Variants in ERBB4 observed in about 807,000 individuals in gnomAD.
The protein encoded by ERBB4 is receptor tyrosine-protein kinase erbB-4.
In ERBB4, 42 loss-of-function variants were observed where a neutral mutation model predicts 158.0. That is an observed-to-expected ratio of 0.27 (90% CI 0.21 to 0.34). The LOEUF (loss-of-function observed/expected upper bound fraction) is 0.34, where lower values mean the gene tolerates loss of function less well. Ranked by LOEUF, ERBB4 falls within the 10% of genes least tolerant of loss-of-function variation. ERBB4 has a pLI of 1.00. For missense variants in ERBB4, 1,333 were observed against 1,624.1 expected, an observed-to-expected ratio of 0.82 and a Z score of 3.08; for synonymous variants, 583 against 558.7, an observed-to-expected ratio of 1.04 and a Z score of -0.61.
intron 3 of ERBB4, among the ~76,000 whole-genome samples, chr2:211,896,988 T>A (rs573543620): frequency 4.6e-4 from 70 of 151,614 alleles, no homozygotes; most frequent in African/African-American, 1.7e-3. Context: ...AATATTAAAT[T>A]AAAAATAATG....
At chr2:211,903,055 A>T (rs2079280454) in intron 3 of ERBB4, among the ~76,000 whole-genome samples, 1 of 151,948 alleles carries the variant, frequency 6.6e-6, no homozygotes, top group African/African-American at 2.4e-5. Flanking sequence ...TAGCTCTTCT[A>T]TTGCATTTTA....
chr2:211,678,046 T>C (rs943596665), intron 13 of ERBB4, among the ~76,000 whole-genome samples: 2 of 152,086 alleles, frequency 1.3e-5, no homozygotes, highest in African/African-American at 4.8e-5. Flanking sequence ...TATGAATATA[T>C]GAAATATTAT....
At chr2:212,329,637 A>C (rs953826259) in intron 1 of ERBB4, among the ~76,000 whole-genome samples, 1 of 152,096 alleles carries the variant, frequency 6.6e-6, no homozygotes, top group Non-Finnish European at 1.5e-5. Flanking sequence ...CATCAGGTGT[A>C]GGATATGTCT....
At chr2:211,857,019 T>C (rs1331002624) in intron 3 of ERBB4, among the ~76,000 whole-genome samples, 2 of 152,300 alleles carry the variant, frequency 1.3e-5, no homozygotes, top group East Asian at 1.9e-4. Flanking sequence ...TTGTATGTTA[T>C]AATATTTCAG....
chr2:212,410,843 C>T (rs937973377), intron 1 of ERBB4, among the ~76,000 whole-genome samples: 5 of 152,030 alleles, frequency 3.3e-5, no homozygotes, highest in African/African-American at 1.2e-4. Flanking sequence ...CAAACACACA[C>T]ATCTATTTTT....
At chr2:211,766,436 A>G (rs918952274) in intron 4 of ERBB4, among the ~76,000 whole-genome samples, 2 of 152,222 alleles carry the variant, frequency 1.3e-5, no homozygotes, top group Non-Finnish European at 2.9e-5. Flanking sequence ...ATAGGAGAGG[A>G]AAGACACATG....
chr2:212,443,779 C>A (rs1340760974), intron 1 of ERBB4, among the ~76,000 whole-genome samples: 1 of 152,176 alleles, frequency 6.6e-6, no homozygotes, highest in Non-Finnish European at 1.5e-5. Context: ...TGAATCACAG[C>A]AGAGGCCTCT....
At chr2:212,298,665 C>T (rs982016316) in intron 1 of ERBB4, among the ~76,000 whole-genome samples, 1 of 151,608 alleles carries the variant, frequency 6.6e-6, no homozygotes, top group Non-Finnish European at 1.5e-5. Context: ...TCACTTAGAA[C>T]CTTTCCATAT....
chr2:212,099,180 TA>T (rs2079014055), intron 2 of ERBB4, among the ~76,000 whole-genome samples: 2 of 133,596 alleles, frequency 1.5e-5, no homozygotes, highest in Admixed American at 1.5e-4. Context: ...AATAAATAAA[TA>T]AATAATAAAT....
intron 19 of ERBB4, among the ~76,000 whole-genome samples, chr2:211,586,621 C>T (rs1380829643): frequency 6.6e-6 from 1 of 152,158 alleles, no homozygotes; most frequent in Non-Finnish European, 1.5e-5. Context: ...ACACATACCC[C>T]AGGGAACACA....
intron 1 of ERBB4, among the ~76,000 whole-genome samples, chr2:212,301,121 CTT>C (rs75336458): frequency 2.8e-3 from 403 of 144,432 alleles, no homozygotes; most frequent in Middle Eastern, 3.5e-3. Flanking sequence ...CATTGATATG[CTT>C]TTTTTTTTTT....
intron 1 of ERBB4, among the ~76,000 whole-genome samples, chr2:212,224,348 C>T (rs1205505856): frequency 6.6e-6 from 1 of 151,832 alleles, no homozygotes; most frequent in Non-Finnish European, 1.5e-5. Flanking sequence ...AAGGTATTTT[C>T]ATTTGGATCA....
At chr2:211,716,384 A>G (rs2073904097) in intron 7 of ERBB4, among the ~76,000 whole-genome samples, 1 of 99,222 alleles carries the variant, frequency 1.0e-5, no homozygotes, top group Non-Finnish European at 2.2e-5. Flanking sequence ...AAAAAAAAAA[A>G]AAAAAAAAAA....
intron 4 of ERBB4, among the ~76,000 whole-genome samples, chr2:211,768,991 A>C (rs6746063): frequency 0.83 from 125,544 of 152,150 alleles, 52,149 homozygotes; most frequent in African/African-American, 0.9. Context: ...ACATAAGTTC[A>C]AATTCCAAAC....
At chr2:211,484,468 A>G (rs896507669) in intron 20 of ERBB4, among the ~76,000 whole-genome samples, 16 of 152,190 alleles carry the variant, frequency 1.1e-4, no homozygotes, top group African/African-American at 3.4e-4. Context: ...AAGAAACCCA[A>G]TTTAAACATA....
At chr2:212,367,923 CA>C (rs567427882) in intron 1 of ERBB4, among the ~76,000 whole-genome samples, 251 of 152,082 alleles carry the variant, frequency 1.7e-3, no homozygotes, top group Non-Finnish European at 3.0e-3. Context: ...ATCAAAAAAT[CA>C]AAAAACAGTA....
chr2:211,730,885 T>C (rs1252576797), intron 5 of ERBB4, among the ~76,000 whole-genome samples: 1 of 151,948 alleles, frequency 6.6e-6, no homozygotes, highest in African/African-American at 2.4e-5. Flanking sequence ...ATGGGAGAAA[T>C]GGGAGAAAAA....
chr2:212,101,102 A>G (rs977369927), intron 2 of ERBB4, among the ~76,000 whole-genome samples: 2 of 152,012 alleles, frequency 1.3e-5, no homozygotes, highest in Admixed American at 1.3e-4. Context: ...CAGGAAGTCA[A>G]TATTTTTATC....
intron 16 of ERBB4, 180 bp downstream of exon 16, chr2:211,657,573 GA>G: frequency 1.6e-6 from 1 of 634,736 alleles, no homozygotes; most frequent in Non-Finnish European, 2.8e-6. Flanking sequence ...ATGAATGAAG[GA>G]AAAAGAAGTA....
Sources: gnomAD v4.1 joint callset for allele counts (sites outside exome capture counted in the v4.1 genomes callset) on GRCh38, gnomAD v4.1.1 for gene constraint, MANE v1.5 for transcripts, NCBI Gene and HGNC (gene_info 2026-07-23, HGNC 2026-07-21) for gene names.